The following PIGR variants were observed in gnomAD, a reference collection of about 807,000 sequenced individuals.
PIGR encodes polymeric immunoglobulin receptor.
In PIGR, 22 loss-of-function variants were observed where a neutral mutation model predicts 69.5. The ratio of observed to expected loss-of-function variants is 0.32; its 90% confidence interval spans 0.23 to 0.45. The LOEUF is 0.45. Ranked by LOEUF, PIGR falls within the 20% of genes least tolerant of loss-of-function variation. The probability of loss-of-function intolerance (pLI) is 1.00; values close to 1 mark genes in which losing one functional copy is unlikely to be tolerated. For synonymous variants in PIGR, 413 were observed against 407.6 expected, an observed-to-expected ratio of 1.01 and a Z score of -0.16; for missense variants, 885 against 974.0, an observed-to-expected ratio of 0.91 and a Z score of 1.22.
rs899650884 is a variant in PIGR at position 206,937,138 on chromosome 1, C to T, written c.1002G>A (p.Gln334=). The T allele has an allele frequency of 1.9e-6, 3 of 1,611,902 alleles. No individual in the cohort carries two copies. Among genetic ancestry groups the T allele is most frequent in the Non-Finnish European group, 2.5e-6 (3 of 1,178,900 alleles). ...GCCAGGCCTGGATAGGCGAGCCTTC[C>T]TGCAGCTGACCATCCGAATGGGCTC... ...LCGAHSDGQL[Q]EGSPIQAWQL... The change falls in exon 4 of 11, where the codon CAG becomes CAA. Residue 334 remains glutamine (Q), a synonymous_variant. Transcript: ENST00000356495.
chr1:206,940,684 C>T, intron 1 of PIGR, 100 bp from the exon 2 acceptor site: 1 of 659,448 alleles, frequency 1.5e-6, no homozygotes, highest in Non-Finnish European at 2.5e-6. Flanking sequence ...GTATCTCCAG[C>T]AACTGACATA....
rs988558255 is a variant in PIGR at position 206,935,477 on chromosome 1, A to G, written c.1378+9T>C. ...TTTTAGAGCTTTCTCCCTCCCTGTC[A>G]ACTCCTACCTTCGATAATCTTGATC... On this transcript the variant is annotated intron_variant, in intron 5 of 10. Coordinates refer to ENST00000356495, the MANE Select transcript of PIGR (RefSeq NM_002644.4). The surrounding 1 kb of genome is among the most constrained non-coding windows in gnomAD (Gnocchi z 4.4). The G allele has an allele frequency of 3.7e-6, 6 of 1,600,166 alleles. No individual in the cohort carries two copies. The East Asian group carries it at 1.1e-4, about 30-fold the overall frequency.
rs149018674 is a variant in PIGR, at chr1:206,937,608, C to A, written c.532G>T (p.Asp178Tyr). 1 of 1,613,896 alleles carries A rather than the reference C, an allele frequency of 6.2e-7. No homozygotes were observed. Among genetic ancestry groups the A allele is most frequent in the Non-Finnish European group, 8.5e-7 (1 of 1,179,898 alleles). The change falls in exon 4 of 11, where the codon GAC becomes TAC. Residue 178 changes from aspartate to tyrosine, a missense_variant. Physicochemically the swap from Asp to Tyr is radical, Grantham distance 160 (BLOSUM62 -3). Transcript: ENST00000356495. Reference sequence around the variant, plus strand: ...TTGGGATTTACATAACCACTGGAGTCGATGACCAGCACAGGGTACAGGCCT... The same window carrying A: ...TTGGGATTTACATAACCACTGGAGTAGATGACCAGCACAGGGTACAGGCCT... ...QIGLYPVLVI[D>Y]SSGYVNPNYT... is the part of the protein sequence containing the mutation.
rs1192461355 is a variant in PIGR at position 206,935,256 on chromosome 1, C to T, written c.1378+230G>A. 6.6e-6 allele frequency among the ~76,000 whole-genome samples: 1 copy of T among 152,176 alleles called. No homozygotes were observed. Among genetic ancestry groups the T allele is most frequent in the Non-Finnish European group, 1.5e-5 (1 of 68,032 alleles). The stretch of plus-strand genomic sequence containing the variant: ...AATCCTTGACTTCAGCTGATGCCTG[C>T]ACACTGCGAAAGAAGCCCATGTTCT... On this transcript the variant is annotated intron_variant, in intron 5 of 10. Transcript: ENST00000356495. This position sits in a 1 kb window ranked among gnomAD's most constrained non-coding sequence, Gnocchi z 4.4.
intron 1 of PIGR, among the ~76,000 whole-genome samples, chr1:206,945,273 A>G (rs571031365): frequency 2.0e-5 from 3 of 152,268 alleles, no homozygotes; most frequent in African/African-American, 7.2e-5. Flanking sequence ...TAATTCCCCT[A>G]GTGAAGGGGG....
At chr1:206,940,865 A>G (rs1679969253) in intron 1 of PIGR, among the ~76,000 whole-genome samples, 1 of 152,178 alleles carries the variant, frequency 6.6e-6, no homozygotes, top group Admixed American at 6.5e-5. Context: ...TTCCCTGCCC[A>G]TGAGACACAG....
chr1:206,931,248 C>G (rs1263750222), intron 10 of PIGR: 1 of 985,326 alleles, frequency 1.0e-6, no homozygotes, highest in Non-Finnish European at 1.2e-6. Flanking sequence ...TGGCCTGCCT[C>G]TCTCCTGCAG....
Position 206,929,666 on chromosome 1 carries a change from T to G in PIGR, c.*652A>C, listed in dbSNP as rs532293918. 7.5e-4 allele frequency: 114 copies of G among 152,304 alleles called. 1 individual carries two copies. The highest frequency in any genetic ancestry group is 2.7e-3 in the African/African-American group (114 of 41,570). 9.4% of individuals were successfully genotyped at this position (152,304 alleles called of 1,614,324 possible). A position where few individuals can be genotyped will look rare whatever the true frequency, so the allele number is the denominator to read the frequency against. ...GTGTATGCTCATCATACATGACCCC[T>G]AAGGCCTTAGGACTCGAGACATTTT... On this transcript the variant is annotated 3_prime_UTR_variant, in exon 11 of 11. Transcript: ENST00000356495.
intron 1 of PIGR, among the ~76,000 whole-genome samples, chr1:206,943,885 C>T (rs78072059): frequency 0.015 from 2,240 of 152,234 alleles, 52 homozygotes; most frequent in African/African-American, 0.051. Flanking sequence ...TTAATGTGTT[C>T]CATTTTTACA....
intron 1 of PIGR, among the ~76,000 whole-genome samples, chr1:206,945,021 C>A (rs1286151896): frequency 6.6e-6 from 1 of 152,064 alleles, no homozygotes; most frequent in Non-Finnish European, 1.5e-5. Flanking sequence ...CCTGTGTGAC[C>A]CCATTTTTTA....
intron 6 of PIGR, among the ~76,000 whole-genome samples, chr1:206,933,754 G>A (rs1007425678): frequency 6.6e-6 from 1 of 152,160 alleles, no homozygotes; most frequent in South Asian, 2.1e-4. Flanking sequence ...AGGGGGAAGG[G>A]GGATGAACAT....
intron 10 of PIGR, chr1:206,931,246 C>G: frequency 1.6e-5 from 16 of 985,440 alleles, no homozygotes; most frequent in Non-Finnish European, 1.9e-5. Context: ...CCTGGCCTGC[C>G]TCTCTCCTGC....
intron 4 of PIGR, among the ~76,000 whole-genome samples, 191 bp from the exon 5 acceptor site, chr1:206,936,009 C>T (rs1644187778): frequency 6.6e-6 from 1 of 152,144 alleles, no homozygotes; most frequent in Non-Finnish European, 1.5e-5. Flanking sequence ...CCATCAGGGC[C>T]AGACTCCAAG....
At chr1:206,945,791 G>A (rs1327529641) in intron 1 of PIGR, among the ~76,000 whole-genome samples, 2 of 152,192 alleles carry the variant, frequency 1.3e-5, no homozygotes, top group African/African-American at 2.4e-5. Flanking sequence ...CTAATTCCAG[G>A]TCTGTTGGTG....
Position 206,931,665 on chromosome 1 carries a change from T to A in PIGR, c.2140+6A>T, listed in dbSNP as rs879152535. The A allele has an allele frequency of 6.2e-7, 1 of 1,613,790 alleles. No homozygotes were observed. The highest frequency in any genetic ancestry group is 8.5e-7 in the Non-Finnish European group (1 of 1,179,938). ...GGCTGAGCATTCCCTTGAGTGAGGG[T>A]CATACCTTCTTTTCCTCCGAGGGAT... is the stretch of plus-strand genomic sequence containing the variant. On this transcript the variant is annotated splice_donor_region_variant and intron_variant, in intron 9 of 10. Coordinates refer to ENST00000356495, the MANE Select transcript of PIGR (RefSeq NM_002644.4).
At chr1:206,938,498 C>A (rs74148891) in intron 3 of PIGR, among the ~76,000 whole-genome samples, 1,528 of 152,244 alleles carry the variant, frequency 0.01, 28 homozygotes, top group African/African-American at 0.034. Context: ...TTTGAGTTGC[C>A]CTTGACTATC....
chr1:206,933,443 T>C (rs1572642665), intron 6 of PIGR, among the ~76,000 whole-genome samples: 2 of 152,168 alleles, frequency 1.3e-5, no homozygotes, highest in East Asian at 3.9e-4. Context: ...CCATCACTTA[T>C]GCCCGGGAGA....
intron 1 of PIGR, among the ~76,000 whole-genome samples, chr1:206,945,099 G>A (rs1330794137): frequency 1.3e-5 from 2 of 152,124 alleles, no homozygotes; most frequent in African/African-American, 4.8e-5. Context: ...CCTGACTCCT[G>A]GCTCAGTGTT....
intron 1 of PIGR, among the ~76,000 whole-genome samples, chr1:206,944,576 C>T (rs888936994): frequency 6.6e-6 from 1 of 152,182 alleles, no homozygotes; most frequent in Non-Finnish European, 1.5e-5. Context: ...TATTTAGCAC[C>T]TACCATGTGT....
Sources: allele counts gnomAD v4.1 joint callset (sites outside exome capture counted in the v4.1 genomes callset), GRCh38; gene constraint gnomAD v4.1.1; non-coding constraint Gnocchi (gnomAD v3.1); transcripts MANE v1.5; gene names NCBI Gene and HGNC (gene_info 2026-07-23, HGNC 2026-07-21).